The following PCDHA1 variants were observed in gnomAD, a reference collection of about 807,000 sequenced individuals.
PCDHA1 encodes the protein protocadherin alpha-1.
A neutral mutation model predicts 61.3 loss-of-function variants in PCDHA1; 42 were observed. That is an observed-to-expected ratio of 0.69 (90% confidence interval 0.54 to 0.89). The LOEUF (loss-of-function observed/expected upper bound fraction) is 0.89, where lower values mean the gene tolerates loss of function less well. Among genes scored for constraint, PCDHA1 ranks in the 40% least tolerant of loss-of-function variants. The probability of loss-of-function intolerance (pLI) is 0.00; values close to 1 mark genes in which losing one functional copy is unlikely to be tolerated. For synonymous variants in PCDHA1, 610 were observed against 553.8 expected (o/e 1.10, Z -1.43); for missense variants, 1,256 against 1,235.3 (o/e 1.02, Z -0.25).
At chr5:140,843,153 T>A (rs2150353928) in intron 1 of PCDHA1, 80,196 of 1,595,968 alleles carry the variant, frequency 0.05, 9,743 homozygotes, top group Non-Finnish European at 0.06. Flanking sequence ...TCGTATGAGC[T>A]GCAGCCAGCT....
At chr5:140,884,519 T>G in intron 1 of PCDHA1, 1 of 1,614,042 alleles carries the variant, frequency 6.2e-7, no homozygotes, top group Non-Finnish European at 8.5e-7. Context: ...TTGGTCGTAC[T>G]CGCAGCAGAG....
At position 140,788,916 on chromosome 5, in the gene PCDHA1, A is replaced by T. The variant is rs556280429; in HGVS notation, c.2394+232A>T. The T allele has an allele frequency of 2.6e-5, 25 of 957,056 alleles. No individual in the cohort carries two copies. The South Asian group carries it at 4.3e-4, about 17-fold the overall frequency. The allele number at this position is 957,056 out of a possible 1,614,324, so 59.3% of individuals were successfully genotyped here. ...TATTTCTTGATTTAAATGGCAGGTT[A>T]AAAAAGCTACAATACAAGGTACAAT... On this transcript the variant is annotated intron_variant, in intron 1 of 3. Coordinates refer to ENST00000504120, the MANE Select transcript of PCDHA1 (RefSeq NM_018900.4).
At chr5:141,007,498 G>T (rs936217793) in intron 3 of PCDHA1, among the ~76,000 whole-genome samples, 2 of 151,942 alleles carry the variant, frequency 1.3e-5, no homozygotes, top group Admixed American at 1.3e-4. Context: ...GACCTAGGAG[G>T]CAGAGACTGC....
At chr5:140,967,555 C>G (rs782586326) in intron 1 of PCDHA1, 3 of 1,614,008 alleles carry the variant, frequency 1.9e-6, no homozygotes, top group Non-Finnish European at 2.5e-6. Context: ...CCACTTATCG[C>G]GTCCAGCTAC....
chr5:140,858,852 T>A lies in PCDHA1; in HGVS notation c.2394+70168T>A, dbSNP rs1327075015. The A allele has an allele frequency of 2.5e-5, 7 of 281,540 alleles. 1 individual carries two copies. The highest frequency in any genetic ancestry group is 4.7e-5 in the Non-Finnish European group (7 of 148,550). The allele number at this position is 281,540 out of a possible 1,614,324, so 17.4% of individuals were successfully genotyped here. On this transcript the variant is annotated intron_variant, in intron 1 of 3. Coordinates refer to ENST00000504120, the MANE Select transcript of PCDHA1 (RefSeq NM_018900.4). ...TACCAAAAAATTCCACTGATCTATA[T>A]CTCTTCAGTGAAAATGTGTTTTCCT... is the stretch of plus-strand genomic sequence containing the variant.
At chr5:140,882,655 C>T in intron 1 of PCDHA1, 5 of 1,614,196 alleles carry the variant, frequency 3.1e-6, no homozygotes, top group Non-Finnish European at 4.2e-6. Context: ...TTAACGACAA[C>T]CCGCCCATAT....
chr5:140,950,279 C>G (rs938821559), intron 1 of PCDHA1, among the ~76,000 whole-genome samples: 11 of 151,924 alleles, frequency 7.2e-5, no homozygotes, highest in African/African-American at 2.4e-4. Flanking sequence ...TGTCTTTTTG[C>G]TTCAACCTGA....
chr5:140,876,228 T>G (rs1196218506), intron 1 of PCDHA1: 6 of 1,613,958 alleles, frequency 3.7e-6, no homozygotes, highest in Non-Finnish European at 5.1e-6. Flanking sequence ...TAGTGTTGTC[T>G]GAAAATGTCC....
rs782362205 is a variant in PCDHA1 at position 141,009,960 on chromosome 5, A to G, written c.*23A>G. The G allele has an allele frequency of 6.3e-7, 1 of 1,589,232 alleles. No homozygotes were observed. The highest frequency in any genetic ancestry group is 2.2e-5 in the East Asian group (1 of 44,694). On this transcript the variant is annotated 3_prime_UTR_variant, in exon 4 of 4. Transcript: ENST00000504120. The stretch of plus-strand genomic sequence containing the variant: ...TGAGGTCCTCAAATGGAAACAAGCC[A>G]CTTAGCCAGTTTTTGTAATAATGGC...
intron 1 of PCDHA1, chr5:140,881,515 A>T (rs574115987): frequency 4.8e-6 from 1 of 207,066 alleles, no homozygotes; most frequent in Admixed American, 6.5e-5. Context: ...CACATACAAA[A>T]TCCCACACAT....
At chr5:140,854,512 G>A (rs1265756710) in intron 1 of PCDHA1, 2 of 149,810 alleles carry the variant, frequency 1.3e-5, no homozygotes, top group Admixed American at 6.7e-5. Context: ...TAAACTGATG[G>A]ATTAAGTGAC....
chr5:140,929,679 G>T lies in PCDHA1; in HGVS notation c.2395-49270G>T, dbSNP rs142104946. ...ATTTAAAGTGAAGAATGAAAAATAT[G>T]TAAGAGTCTGCTTTATATGAATATA... On this transcript the variant is annotated intron_variant, in intron 1 of 3. Coordinates refer to ENST00000504120, the MANE Select transcript of PCDHA1 (RefSeq NM_018900.4). 2.7e-3 allele frequency: 822 copies of T among 303,170 alleles called. 4 individuals are homozygous for T. Among genetic ancestry groups the T allele is most frequent in the African/African-American group, 0.017 (768 of 46,460 alleles). The allele number at this position is 303,170 out of a possible 1,614,324, so 18.8% of individuals were successfully genotyped here. A position where few individuals can be genotyped will look rare whatever the true frequency, so the allele number is the denominator to read the frequency against.
chr5:140,986,036 G>A (rs2097184937), intron 3 of PCDHA1, among the ~76,000 whole-genome samples: 2 of 152,116 alleles, frequency 1.3e-5, no homozygotes, highest in Admixed American at 1.3e-4. Context: ...ACTGCGCCTG[G>A]CCTCACTGAT....
chr5:140,803,402 C>G (rs782398049), intron 1 of PCDHA1: 2 of 1,614,114 alleles, frequency 1.2e-6, no homozygotes, highest in Non-Finnish European at 8.5e-7. Flanking sequence ...GTGGGCCGGG[C>G]AAGCCCACGC....
chr5:140,869,766 G>A (rs782388204), intron 1 of PCDHA1: 2 of 1,613,210 alleles, frequency 1.2e-6, no homozygotes, highest in Non-Finnish European at 1.7e-6. Flanking sequence ...GAAAACCAGA[G>A]CTTACTGGCA....
chr5:140,865,725 A>G (rs1326307411), intron 1 of PCDHA1: 1 of 152,210 alleles, frequency 6.6e-6, no homozygotes, highest in Non-Finnish European at 1.5e-5. Context: ...AGAAGCTGAG[A>G]TGTGTATCTA....
chr5:140,859,706 C>T (rs1311210067), intron 1 of PCDHA1: 1 of 153,842 alleles, frequency 6.5e-6, no homozygotes, highest in Non-Finnish European at 1.4e-5. Context: ...AGTTTAGGAA[C>T]ACCAAAAAAA....
Position 140,850,690 on chromosome 5 carries a change from G to T in PCDHA1, c.2394+62006G>T, listed in dbSNP as rs2150494322. On this transcript the variant is annotated intron_variant, in intron 1 of 3. Transcript: ENST00000504120. ...TCGGCGATGCCCACCGAGGGCGAGT[G>T]CGCGCCTGGCAAGCCGACGCTGGTG... 3.1e-6 allele frequency: 5 copies of T among 1,598,402 alleles called. 1 individual carries two copies. In the South Asian group the frequency reaches 5.5e-5, roughly 18 times the overall value.
intron 1 of PCDHA1, chr5:140,808,700 T>C (rs1554124703): frequency 6.2e-7 from 1 of 1,611,988 alleles, no homozygotes; most frequent in Admixed American, 1.7e-5. Context: ...GCGCGCGCTG[T>C]CGAGCTACGT....
Sources: allele counts gnomAD v4.1 joint callset (sites outside exome capture counted in the v4.1 genomes callset), GRCh38; gene constraint gnomAD v4.1.1; transcripts MANE v1.5; gene names NCBI Gene and HGNC (gene_info 2026-07-23, HGNC 2026-07-21).